VAMP7: variants seen among roughly 807,000 people sequenced by gnomAD.
VAMP7 encodes vesicle associated membrane protein 7, also known as vesicle-associated membrane protein 7.
Under a neutral mutation model 29.6 loss-of-function variants are expected in VAMP7, and 14 were observed. The observed-to-expected ratio is 0.47, with a 90% CI of 0.31 to 0.74. The LOEUF (loss-of-function observed/expected upper bound fraction) is 0.74, where lower values mean the gene tolerates loss of function less well. VAMP7 is among the 30% of genes least tolerant of loss of function. The pLI is 0.05. For synonymous variants in VAMP7, 95 were observed against 88.1 expected, an observed-to-expected ratio of 1.08 and a Z score of -0.44; for missense variants, 223 against 262.4, an observed-to-expected ratio of 0.85 and a Z score of 1.04.
chrX:155,890,669 A>G (rs2065916360), intron 2 of VAMP7, among the ~76,000 whole-genome samples: 1 of 152,094 alleles, frequency 6.6e-6, no homozygotes, highest in Non-Finnish European at 1.5e-5. Flanking sequence ...CCCTTCAGTC[A>G]GTTTTTGCTT....
chrX:155,893,712 C>G (rs1467697565), intron 2 of VAMP7, among the ~76,000 whole-genome samples: 1 of 152,172 alleles, frequency 6.6e-6, no homozygotes, highest in African/African-American at 2.4e-5. Flanking sequence ...AATCCCATCA[C>G]GAGGACCCCA....
At chrX:155,912,668 T>C (rs932224064) in intron 5 of VAMP7, among the ~76,000 whole-genome samples, 2 of 152,160 alleles carry the variant, frequency 1.3e-5, no homozygotes, top group Non-Finnish European at 2.9e-5. Context: ...GCTTCATCCA[T>C]GTCCCTGCAA....
At chrX:155,902,728 C>G (rs1413868708) in intron 5 of VAMP7, among the ~76,000 whole-genome samples, 77 of 151,712 alleles carry the variant, frequency 5.1e-4, no homozygotes, top group Non-Finnish European at 1.0e-3. Flanking sequence ...CCCACTTGAT[C>G]ATGGTGGATA....
intron 6 of VAMP7, among the ~76,000 whole-genome samples, chrX:155,927,829 T>C (rs775873891): frequency 6.6e-6 from 1 of 152,062 alleles, no homozygotes; most frequent in African/African-American, 2.4e-5. Context: ...GGCTTTCATA[T>C]GTTCTCAAAG....
chrX:155,935,802 C>A (rs1392100128), intron 6 of VAMP7, among the ~76,000 whole-genome samples: 2 of 152,112 alleles, frequency 1.3e-5, no homozygotes, highest in East Asian at 3.8e-4. Flanking sequence ...TTCAGTTTTT[C>A]TGCTGTTTTT....
chrX:155,895,440 A>T (rs2065974875), intron 2 of VAMP7, among the ~76,000 whole-genome samples, 183 bp from the exon 3 acceptor site: 1 of 152,142 alleles, frequency 6.6e-6, no homozygotes, highest in South Asian at 2.1e-4. Context: ...TTTCTTATGT[A>T]CTTCTATCAG....
At chrX:155,908,683 A>G (rs923909153) in intron 5 of VAMP7, among the ~76,000 whole-genome samples, 5 of 152,016 alleles carry the variant, frequency 3.3e-5, no homozygotes, top group African/African-American at 9.7e-5. Flanking sequence ...CTTTTCTTCT[A>G]TTTTGGAAAG....
At chrX:155,894,419 G>GT (rs2065962051) in intron 2 of VAMP7, among the ~76,000 whole-genome samples, 1 of 150,564 alleles carries the variant, frequency 6.6e-6, no homozygotes, top group African/African-American at 2.4e-5. Flanking sequence ...GCACAGTGTG[G>GT]TTTATAAAGT....
chrX:155,893,082 T>C (rs2065944496), intron 2 of VAMP7, among the ~76,000 whole-genome samples: 1 of 152,118 alleles, frequency 6.6e-6, no homozygotes, highest in Admixed American at 6.6e-5. Flanking sequence ...AAATGATTGT[T>C]TATTTCTGTA....
At position 155,919,872 on chromosome X, in the gene VAMP7, G is replaced by C. The variant is rs143522328; in HGVS notation, c.493G>C (p.Val165Leu). ...ATTGATTGACAAAACAGAAAATCTT[G>C]TGGATTCTGTAAGTATGGAATCTGA... ...ELLIDKTENLVDSSVTFKTTS... is the reference protein window; with the variant it reads ...ELLIDKTENLLDSSVTFKTTS... Residue 165 changes from valine (V) to leucine (L), a missense_variant, in exon 6 of 8, where the codon GTG (valine) becomes CTG (leucine). Val to Leu is a conservative substitution (Grantham distance 32). Coordinates refer to ENST00000286448, the MANE Select transcript of VAMP7 (RefSeq NM_005638.6). The C allele has an allele frequency of 1.9e-6, 3 of 1,611,864 alleles. No homozygotes were observed. Among genetic ancestry groups the C allele is most frequent in the Non-Finnish European group, 2.5e-6 (3 of 1,178,404 alleles).
chrX:155,942,763 G>C lies in VAMP7; in HGVS notation c.*812G>C, dbSNP rs929547862. On this transcript the variant is annotated 3_prime_UTR_variant, in exon 8 of 8. Transcript: ENST00000286448. ...TGTCGCTAATAGAATATGTAGTAGAGGGGGTGGGGAGGTAAATTCCTCTGA... is the reference window on the plus strand; with the variant it reads ...TGTCGCTAATAGAATATGTAGTAGACGGGGTGGGGAGGTAAATTCCTCTGA... The C allele has an allele frequency of 8.3e-4, 127 of 152,650 alleles. 1 individual carries two copies. Among genetic ancestry groups the C allele is most frequent in the Admixed American group, 1.4e-3 (22 of 15,338 alleles). 9.5% of individuals were successfully genotyped at this position (152,650 alleles called of 1,614,324 possible). A position where few individuals can be genotyped will look rare whatever the true frequency, so the allele number is the denominator to read the frequency against.
intron 1 of VAMP7, among the ~76,000 whole-genome samples, chrX:155,887,723 G>A (rs1341003108): frequency 6.6e-6 from 1 of 151,930 alleles, no homozygotes; most frequent in Non-Finnish European, 1.5e-5. Flanking sequence ...GAGCCCGGGA[G>A]TTCAAGACCA....
chrX:155,933,992 C>G, intron 6 of VAMP7, among the ~76,000 whole-genome samples: 1 of 152,136 alleles, frequency 6.6e-6, no homozygotes, highest in Non-Finnish European at 1.5e-5. Flanking sequence ...TGTTCAGTCT[C>G]CATGTAGCTG....
intron 2 of VAMP7, among the ~76,000 whole-genome samples, chrX:155,892,892 A>T (rs1384526132): frequency 1.3e-5 from 2 of 151,792 alleles, no homozygotes; most frequent in Non-Finnish European, 2.9e-5. Context: ...AACTGGGATG[A>T]CAGGCGTGTG....
intron 6 of VAMP7, among the ~76,000 whole-genome samples, chrX:155,925,452 T>A (rs769679782): frequency 6.6e-6 from 1 of 152,294 alleles, no homozygotes; most frequent in African/African-American, 2.4e-5. Flanking sequence ...CTCAGTTGAT[T>A]TAGAAAGTTT....
At chrX:155,915,740 G>A (rs184810514) in intron 5 of VAMP7, among the ~76,000 whole-genome samples, 9 of 152,118 alleles carry the variant, frequency 5.9e-5, no homozygotes, top group Middle Eastern at 6.8e-3. Context: ...TGTTGGTTAC[G>A]ATTTCCATTT....
chrX:155,900,794 T>G (rs753018264), intron 5 of VAMP7, among the ~76,000 whole-genome samples: 1 of 152,272 alleles, frequency 6.6e-6, no homozygotes, highest in East Asian at 1.9e-4. Context: ...CTAAATTTAC[T>G]AGTTTGCTTA....
rs370585233 is a variant in VAMP7 at position 155,917,155 on chromosome X, T to A, written c.434-2658T>A. 7.5e-3 allele frequency among the ~76,000 whole-genome samples: 1,144 copies of A among 152,304 alleles called. 16 individuals are homozygous for A. Among genetic ancestry groups the A allele is most frequent in the African/African-American group, 0.026 (1,088 of 41,552 alleles). ...TCTTCCACCTGATCAGTTCGGCTAT[T>A]GATACTTTTGTATGCTTCACAAAGT... is the stretch of plus-strand genomic sequence containing the variant. On this transcript the variant is annotated intron_variant, in intron 5 of 7. Coordinates refer to ENST00000286448, the MANE Select transcript of VAMP7 (RefSeq NM_005638.6).
intron 5 of VAMP7, among the ~76,000 whole-genome samples, chrX:155,919,317 C>T (rs2066360594): frequency 6.6e-6 from 1 of 152,096 alleles, no homozygotes; most frequent in Non-Finnish European, 1.5e-5. Flanking sequence ...CTTTCTGATT[C>T]AGTCTTGGTA....
Sources: gnomAD v4.1 joint callset for allele counts (sites outside exome capture counted in the v4.1 genomes callset) on GRCh38, gnomAD v4.1.1 for gene constraint, MANE v1.5 for transcripts, NCBI Gene and HGNC (gene_info 2026-07-23, HGNC 2026-07-21) for gene names.